The following PREPL variants were observed in gnomAD, a reference collection of about 807,000 sequenced individuals.
PREPL encodes prolyl endopeptidase-like.
Under a neutral mutation model 70.6 loss-of-function variants are expected in PREPL, and 77 were observed. The ratio of observed to expected loss-of-function variants is 1.09; its 90% confidence interval spans 0.91 to 1.32. The LOEUF (loss-of-function observed/expected upper bound fraction) is 1.32. Among genes scored for constraint, PREPL ranks in the 40% most tolerant of loss-of-function variants. The pLI is 0.00. For missense variants in PREPL, 1,002 were observed against 778.2 expected (o/e 1.29, Z -3.42); for synonymous variants, 315 against 264.8 (o/e 1.19, Z -1.84).
chr2:44,318,166 C>T lies in PREPL; in HGVS notation c.*3190G>A, dbSNP rs1572824334. ...AGTGCAGTGGCGTGATCTCGGCACA[C>T]TGCAGCCTCTGCTTCCTGGGTTCAA... On this transcript the variant is annotated 3_prime_UTR_variant, in exon 14 of 14. Transcript: ENST00000409411. 2 of 434,742 alleles carry T rather than the reference C, an allele frequency of 4.6e-6. No homozygotes were observed. Among genetic ancestry groups the T allele is most frequent in the African/African-American group, 4.2e-5 (2 of 47,794 alleles). 26.9% of individuals were successfully genotyped at this position (434,742 alleles called of 1,614,324 possible).
chr2:44,349,296 G>A (rs1444839652), intron 1 of PREPL, among the ~76,000 whole-genome samples: 1 of 152,084 alleles, frequency 6.6e-6, no homozygotes, highest in Admixed American at 6.6e-5. Flanking sequence ...GAAAATACAT[G>A]GTAGGTTTGG....
chr2:44,361,166 ATGGG>A (rs1310937236), intron 1 of PREPL, among the ~76,000 whole-genome samples: 3 of 152,182 alleles, frequency 2.0e-5, no homozygotes, highest in African/African-American at 7.2e-5. Context: ...GGGTAGATAA[ATGGG>A]TGTTCTCAGG....
At chr2:44,321,980 T>C in intron 12 of PREPL, 80 bp from the exon 13 acceptor site, 3 of 1,382,548 alleles carry the variant, frequency 2.2e-6, no homozygotes, top group Non-Finnish European at 2.0e-6. Context: ...CCTCCCCTCT[T>C]CTTTGAGTAC....
intron 8 of PREPL, among the ~76,000 whole-genome samples, chr2:44,331,783 G>A (rs1053471306): frequency 6.6e-6 from 1 of 152,136 alleles, no homozygotes; most frequent in Non-Finnish European, 1.5e-5. Context: ...TATGCTCCAT[G>A]AGGGCAGGGA....
chr2:44,359,672 C>G lies in PREPL; in HGVS notation c.-49+1708G>C, dbSNP rs761387425. 8 of 1,613,278 alleles carry G rather than the reference C, an allele frequency of 5.0e-6. No individual in the cohort carries two copies. In the South Asian group the frequency reaches 8.8e-5, roughly 18 times the overall value. ...CATGCATTTTCCAAGGTGAGGAATA[C>G]TATACTTCAAAGCTTGGAGAAATAA... On this transcript the variant is annotated intron_variant, in intron 1 of 13. Coordinates refer to ENST00000409411, the MANE Select transcript of PREPL (RefSeq NM_001171613.2).
intron 1 of PREPL, among the ~76,000 whole-genome samples, chr2:44,352,969 A>G (rs914888565): frequency 6.6e-6 from 1 of 152,206 alleles, no homozygotes; most frequent in African/African-American, 2.4e-5. Context: ...CTCACTGGCC[A>G]TGAGTGGCAG....
Position 44,324,804 on chromosome 2 carries a change from C to T in PREPL, c.1480-1393G>A, listed in dbSNP as rs533583284. ...CAGGAGGCTGAGGTGGGAGGATCACCTGAGCCCCAGAGGTCGAGGCTGTAG... is the reference window on the plus strand; with the variant it reads ...CAGGAGGCTGAGGTGGGAGGATCACTTGAGCCCCAGAGGTCGAGGCTGTAG... On this transcript the variant is annotated intron_variant, in intron 10 of 13. Transcript: ENST00000409411. Among the ~76,000 whole-genome samples the T allele has an allele frequency of 4.8e-4, 73 of 152,188 alleles. 2 individuals carry two copies. In the South Asian group the frequency reaches 0.013, roughly 28 times the overall value.
chr2:44,326,304 A>G (rs778345294), intron 10 of PREPL, among the ~76,000 whole-genome samples: 2 of 152,050 alleles, frequency 1.3e-5, no homozygotes, highest in Non-Finnish European at 2.9e-5. Flanking sequence ...TCCTCAAGCT[A>G]TAATTCTGAG....
intron 1 of PREPL, among the ~76,000 whole-genome samples, chr2:44,353,382 T>G (rs970146984): frequency 6.6e-6 from 1 of 151,872 alleles, no homozygotes; most frequent in African/African-American, 2.4e-5. Flanking sequence ...GTCAGGAGTT[T>G]GAGACCAGCC....
chr2:44,332,061 C>T (rs1226834019), intron 8 of PREPL, among the ~76,000 whole-genome samples: 1 of 151,754 alleles, frequency 6.6e-6, no homozygotes, highest in Non-Finnish European at 1.5e-5. Context: ...ATTCTCCTGC[C>T]TCAGCCTCCC....
chr2:44,323,232 G>A lies in PREPL; in HGVS notation c.1629+30C>T, dbSNP rs756069681. 2 of 1,541,952 alleles carry A rather than the reference G, an allele frequency of 1.3e-6. No homozygotes were observed. Among genetic ancestry groups the A allele is most frequent in the African/African-American group, 1.4e-5 (1 of 71,462 alleles). The stretch of plus-strand genomic sequence containing the variant: ...TTTTATTATCTTCTGTGTAAATTCA[G>A]GATAATCTAACACAATTGTCTTTCA... On this transcript the variant is annotated intron_variant, in intron 11 of 13. Transcript: ENST00000409411.
chr2:44,339,935 C>A (rs978005448), intron 5 of PREPL, among the ~76,000 whole-genome samples: 10 of 152,210 alleles, frequency 6.6e-5, no homozygotes, highest in Non-Finnish European at 7.4e-5. Flanking sequence ...CCCTCACAAT[C>A]TTACTAACGT....
At chr2:44,351,089 ATTTT>A (rs112509073) in intron 1 of PREPL, among the ~76,000 whole-genome samples, 3 of 136,574 alleles carry the variant, frequency 2.2e-5, no homozygotes, top group Non-Finnish European at 3.2e-5. Flanking sequence ...ACGCTGGCTA[ATTTT>A]TTTTTTTTTT....
intron 8 of PREPL, 142 bp downstream of exon 8, chr2:44,332,317 C>T: frequency 1.5e-6 from 1 of 664,888 alleles, no homozygotes; most frequent in Non-Finnish European, 2.5e-6. Flanking sequence ...TTCACCTATC[C>T]CTAAAGTCAC....
Position 44,318,161 on chromosome 2 carries a change from G to A in PREPL, c.*3195C>T, listed in dbSNP as rs1262412446. 9 of 436,828 alleles carry A rather than the reference G, an allele frequency of 2.1e-5. No individual in the cohort carries two copies. Among genetic ancestry groups the A allele is most frequent in the Non-Finnish European group, 2.7e-5 (6 of 218,280 alleles). The allele number at this position is 436,828 out of a possible 1,614,324, so 27.1% of individuals were successfully genotyped here. The stretch of plus-strand genomic sequence containing the variant: ...GCTCGAGTGCAGTGGCGTGATCTCG[G>A]CACACTGCAGCCTCTGCTTCCTGGG... On this transcript the variant is annotated 3_prime_UTR_variant, in exon 14 of 14. Transcript: ENST00000409411.
chr2:44,321,902 T>G lies in PREPL; in HGVS notation c.1754-2A>C. ...GAATAATATTAGGGGTCTGATAGCC[T>G]GGAAGAGTTAACATGTAGAACAATT... On this transcript the variant is annotated splice_acceptor_variant, in intron 12 of 13. Coordinates refer to ENST00000409411, the MANE Select transcript of PREPL (RefSeq NM_001171613.2). LOFTEE classifies it high-confidence loss of function. 1 of 1,612,112 alleles carries G rather than the reference T, an allele frequency of 6.2e-7. No homozygotes were observed. Among genetic ancestry groups the G allele is most frequent in the Non-Finnish European group, 8.5e-7 (1 of 1,178,816 alleles).
chr2:44,340,528 A>G (rs1204480080), intron 5 of PREPL, among the ~76,000 whole-genome samples: 1 of 152,220 alleles, frequency 6.6e-6, no homozygotes, highest in Admixed American at 6.5e-5. Flanking sequence ...GTATTGGATC[A>G]CATTACCATG....
intron 2 of PREPL, 128 bp from the exon 3 acceptor site, chr2:44,344,714 A>G: frequency 1.7e-6 from 1 of 581,778 alleles, no homozygotes; most frequent in Non-Finnish European, 2.9e-6. Context: ...ATGAATGAAC[A>G]CATATGAAAT....
At chr2:44,328,880 T>C in intron 9 of PREPL, 57 bp downstream of exon 9, 1 of 1,455,410 alleles carries the variant, frequency 6.9e-7, no homozygotes, top group Non-Finnish European at 9.3e-7. Context: ...ATTGTTATTC[T>C]TGACATCTCT....
Sources: allele counts gnomAD v4.1 joint callset (sites outside exome capture counted in the v4.1 genomes callset), GRCh38; gene constraint gnomAD v4.1.1; transcripts MANE v1.5; gene names NCBI Gene and HGNC (gene_info 2026-07-23, HGNC 2026-07-21).